SH3BP2: variants seen among roughly 807,000 people sequenced by gnomAD.
The protein encoded by SH3BP2 is SH3 domain binding protein 2.
SH3BP2 carries 38 observed loss-of-function variants against 56.2 expected under a neutral mutation model. That is an observed-to-expected ratio of 0.68 (90% CI 0.52 to 0.89). The LOEUF (loss-of-function observed/expected upper bound fraction) is 0.89. SH3BP2 is among the 40% of genes least tolerant of loss of function. The pLI is 0.00. For missense variants in SH3BP2, 748 were observed against 762.6 expected (o/e 0.98, Z 0.23); for synonymous variants, 346 against 316.7 (o/e 1.09, Z -0.98).
At chr4:2,800,933 T>C (rs146495453) in intron 1 of SH3BP2, among the ~76,000 whole-genome samples, 2,749 of 152,198 alleles carry the variant, frequency 0.018, 89 homozygotes, top group African/African-American at 0.062. Flanking sequence ...TGAGCGGAGC[T>C]GTCTTTGAGA....
chr4:2,833,138 G>T (rs1327051383), intron 12 of SH3BP2, 89 bp downstream of exon 12: 1 of 1,202,058 alleles, frequency 8.3e-7, no homozygotes, highest in Non-Finnish European at 1.2e-6. Flanking sequence ...ATAGGCAGCG[G>T]GTAGACTGAG....
At chr4:2,813,444 C>T (rs1292203719) in intron 1 of SH3BP2, among the ~76,000 whole-genome samples, 1 of 152,148 alleles carries the variant, frequency 6.6e-6, no homozygotes, top group Non-Finnish European at 1.5e-5. Context: ...GCCCAGTGCG[C>T]TCGGCACAAG....
At chr4:2,815,289 T>C (rs1723946801) in intron 1 of SH3BP2, among the ~76,000 whole-genome samples, 1 of 152,106 alleles carries the variant, frequency 6.6e-6, no homozygotes, top group Non-Finnish European at 1.5e-5. Flanking sequence ...GGTTTCCCCT[T>C]GAATGGCCCC....
rs28520868 is a variant in SH3BP2, at chr4:2,802,556, G to A, written c.-5+9418G>A. ...TATGTGTGTGTGTGTATATATATGT[G>A]TATATATGTATATATGTGTATATGT... On this transcript the variant is annotated intron_variant, in intron 1 of 12. Coordinates refer to ENST00000503393, the MANE Select transcript of SH3BP2 (RefSeq NM_001122681.2). Among the ~76,000 whole-genome samples the A allele has an allele frequency of 5.1e-5, 7 of 138,560 alleles. No homozygotes were observed. The South Asian group carries it at 1.3e-3, about 26-fold the overall frequency. The allele number at this position is 138,560 out of a possible 152,430, so 90.9% of individuals were successfully genotyped here.
rs1228992740 is a variant in SH3BP2, at chr4:2,829,324, C to T, written c.587-169C>T. 6.6e-6 allele frequency among the ~76,000 whole-genome samples: 1 copy of T among 151,910 alleles called. No individual in the cohort carries two copies. The highest frequency in any genetic ancestry group is 1.5e-5 in the Non-Finnish European group (1 of 67,970). On this transcript the variant is annotated intron_variant, in intron 7 of 12. Transcript: ENST00000503393. The surrounding 1 kb of genome is among the most constrained non-coding windows in gnomAD (Gnocchi z 4.9). ...TGGGGGTGGTGGGTGGTCTGGGACC[C>T]TGGGGAAGGCAGGATGGGAGTGCTG...
chr4:2,797,064 C>T (rs1019808092), intron 1 of SH3BP2, among the ~76,000 whole-genome samples: 4 of 152,128 alleles, frequency 2.6e-5, no homozygotes, highest in South Asian at 2.1e-4. Flanking sequence ...TGGGCAGCTC[C>T]GTTTGGGGGA....
chr4:2,831,693 G>A lies in SH3BP2; in HGVS notation c.1350+14G>A. ...GACTATGAGAAGGCAAGGCTGAGCG[G>A]CAAGCCTGGGTCCCAGTGGCCAGTA... is the stretch of plus-strand genomic sequence containing the variant. On this transcript the variant is annotated intron_variant, in intron 9 of 12. Coordinates refer to ENST00000503393, the MANE Select transcript of SH3BP2 (RefSeq NM_001122681.2). The surrounding 1 kb of genome is among the most constrained non-coding windows in gnomAD (Gnocchi z 4.1). The A allele has an allele frequency of 1.9e-6, 3 of 1,572,048 alleles. No homozygotes were observed. The highest frequency in any genetic ancestry group is 4.7e-5 in the East Asian group (2 of 42,870).
intron 1 of SH3BP2, among the ~76,000 whole-genome samples, chr4:2,804,209 G>C (rs1001040668): frequency 6.6e-6 from 1 of 152,182 alleles, no homozygotes; most frequent in African/African-American, 2.4e-5. Flanking sequence ...GCCTGCTCCT[G>C]TTCCTCATCC....
intron 1 of SH3BP2, among the ~76,000 whole-genome samples, chr4:2,794,939 G>A (rs1010342390): frequency 6.6e-6 from 1 of 152,180 alleles, no homozygotes; most frequent in African/African-American, 2.4e-5. Flanking sequence ...GAGGAAGGGC[G>A]CAAACTCAGC....
At chr4:2,796,527 C>G (rs1317818276) in intron 1 of SH3BP2, 3 of 927,152 alleles carry the variant, frequency 3.2e-6, no homozygotes, top group Non-Finnish European at 3.9e-6. Context: ...TCTTTGTCAG[C>G]TGGCCTCTGG....
At chr4:2,830,850 G>A (rs1243592738) in intron 8 of SH3BP2, among the ~76,000 whole-genome samples, 1 of 152,172 alleles carries the variant, frequency 6.6e-6, no homozygotes, top group Non-Finnish European at 1.5e-5. Flanking sequence ...GCCGGCACGC[G>A]CACCCCCGAA....
chr4:2,795,422 C>T (rs999891340), intron 1 of SH3BP2, among the ~76,000 whole-genome samples: 5 of 152,218 alleles, frequency 3.3e-5, no homozygotes, highest in Admixed American at 3.3e-4. Context: ...CTCTCTTGAC[C>T]TCATGATCTG....
chr4:2,831,759 C>T lies in SH3BP2; in HGVS notation c.1350+80C>T. 7.2e-7 allele frequency: 1 copy of T among 1,390,488 alleles called. No homozygotes were observed. The highest frequency in any genetic ancestry group is 1.0e-6 in the Non-Finnish European group (1 of 998,342). 86.1% of individuals were successfully genotyped at this position (1,390,488 alleles called of 1,614,324 possible). ...GGAAAGCCATAGGCCAGGGCGGCCCCTCACAGACCGTCCTGAGCAAGGACC... is the reference window on the plus strand; with the variant it reads ...GGAAAGCCATAGGCCAGGGCGGCCCTTCACAGACCGTCCTGAGCAAGGACC... On this transcript the variant is annotated intron_variant, in intron 9 of 12. Transcript: ENST00000503393. The surrounding 1 kb of genome is among the most constrained non-coding windows in gnomAD (Gnocchi z 4.1).
Position 2,824,612 on chromosome 4 carries a change from G to A in SH3BP2, c.240-1G>A, listed in dbSNP as rs1560106586. ...CGTGACCCCTGGCGCTGTGCCCCCA[G>A]GGTGATGCGGGCGGCTGAGGAGACC... On this transcript the variant is annotated splice_acceptor_variant, in intron 3 of 12. Transcript: ENST00000503393. LOFTEE classifies it high-confidence loss of function. 6.2e-7 allele frequency: 1 copy of A among 1,611,532 alleles called. No individual in the cohort carries two copies. Among genetic ancestry groups the A allele is most frequent in the Non-Finnish European group, 8.5e-7 (1 of 1,178,284 alleles).
At chr4:2,805,562 T>C (rs1055304957) in intron 1 of SH3BP2, among the ~76,000 whole-genome samples, 9 of 152,320 alleles carry the variant, frequency 5.9e-5, no homozygotes, top group African/African-American at 2.2e-4. Context: ...CACTGGGCAC[T>C]GTTCAGGCAC....
intron 1 of SH3BP2, among the ~76,000 whole-genome samples, chr4:2,807,154 C>G (rs143800940): frequency 6.6e-6 from 1 of 152,338 alleles, no homozygotes; most frequent in East Asian, 1.9e-4. Flanking sequence ...GCCTCACGTG[C>G]GTGCCCAGGG....
intron 12 of SH3BP2, 61 bp downstream of exon 12, chr4:2,833,110 G>A: frequency 1.4e-6 from 2 of 1,471,638 alleles, no homozygotes; most frequent in African/African-American, 1.4e-5. Context: ...GGGCAGGGCA[G>A]AATCTCCCTG....
At chr4:2,807,085 G>A (rs149182644) in intron 1 of SH3BP2, among the ~76,000 whole-genome samples, 1,946 of 152,344 alleles carry the variant, frequency 0.013, 20 homozygotes, top group South Asian at 0.018. Context: ...AACACACTGC[G>A]TCTTCTGGGA....
chr4:2,798,977 C>G (rs1723151252), intron 1 of SH3BP2: 1 of 985,688 alleles, frequency 1.0e-6, no homozygotes, highest in Non-Finnish European at 1.2e-6. Context: ...TGGGAGTGGC[C>G]CCCCAGGAGC....
Sources: allele counts gnomAD v4.1 joint callset (sites outside exome capture counted in the v4.1 genomes callset), GRCh38; gene constraint gnomAD v4.1.1; non-coding constraint Gnocchi (gnomAD v3.1); transcripts MANE v1.5; gene names NCBI Gene and HGNC (gene_info 2026-07-23, HGNC 2026-07-21).